The following ALS2 variants were observed in gnomAD, a reference collection of about 807,000 sequenced individuals.
ALS2 encodes alsin Rho guanine nucleotide exchange factor ALS2, also known as alsin.
A neutral mutation model predicts 203.4 loss-of-function variants in ALS2; 117 were observed. That is an observed-to-expected ratio of 0.58 (90% CI 0.50 to 0.67). The LOEUF (loss-of-function observed/expected upper bound fraction) is 0.67, where lower values mean the gene tolerates loss of function less well. ALS2 is among the 30% of genes least tolerant of loss of function. ALS2 has a pLI of 0.00. For synonymous variants in ALS2, 718 were observed against 725.9 expected, an observed-to-expected ratio of 0.99 and a Z score of 0.17; for missense variants, 1,715 against 1,989.4, an observed-to-expected ratio of 0.86 and a Z score of 2.62.
chr2:201,731,766 C>A (rs1446836067), intron 13 of ALS2, among the ~76,000 whole-genome samples: 1 of 151,764 alleles, frequency 6.6e-6, no homozygotes, highest in African/African-American at 2.4e-5. Context: ...AGGATAAGGG[C>A]CATTGATATA....
chr2:201,715,704 G>C lies in ALS2; in HGVS notation c.3972C>G (p.Ala1324=). ...TGTGCTGGCGCCGACTGGTGGTCAAGGCCACAGCAATATTGTCCCATGCTT... is the reference window on the plus strand; with the variant it reads ...TGTGCTGGCGCCGACTGGTGGTCAACGCCACAGCAATATTGTCCCATGCTT... ...VWKAWDNIAV[A]LTTSRRQHRD... The change falls in exon 25 of 34, where the codon GCC becomes GCG. Residue 1324 remains alanine (A), a synonymous_variant. Coordinates refer to ENST00000264276, the MANE Select transcript of ALS2 (RefSeq NM_020919.4). 6.2e-7 allele frequency: 1 copy of C among 1,614,180 alleles called. No individual in the cohort carries two copies. Among genetic ancestry groups the C allele is most frequent in the Non-Finnish European group, 8.5e-7 (1 of 1,180,026 alleles).
chr2:201,706,848 C>T lies in ALS2; in HGVS notation c.4578G>A (p.Gln1526=), dbSNP rs1209302313. The T allele has an allele frequency of 2.5e-6, 4 of 1,613,994 alleles. No individual in the cohort carries two copies. The South Asian group carries it at 3.3e-5, about 13-fold the overall frequency. The change falls in exon 29 of 34, where the codon CAG becomes CAA. Residue 1526 remains glutamine (Q), a splice_region_variant and synonymous_variant. Transcript: ENST00000264276. Reference sequence around the variant, plus strand: ...GCGCTTGTAACTACTACACTTACCTCTGCACCCCAAGAAAGCCCAGGAGAG... The same window carrying T: ...GCGCTTGTAACTACTACACTTACCTTTGCACCCCAAGAAAGCCCAGGAGAG... The part of the protein sequence containing the change: ...DIALLGFLGV[Q]RKFWPATLSI...
chr2:201,757,180 A>C (rs1693452010), intron 5 of ALS2, among the ~76,000 whole-genome samples: 1 of 152,218 alleles, frequency 6.6e-6, no homozygotes, highest in African/African-American at 2.4e-5. Flanking sequence ...TAAGGTTCAT[A>C]AGCAGGAGCA....
At chr2:201,719,114 G>C (rs1486880689) in intron 23 of ALS2, among the ~76,000 whole-genome samples, 1 of 152,166 alleles carries the variant, frequency 6.6e-6, no homozygotes, top group African/African-American at 2.4e-5. Flanking sequence ...AAAATCAAGA[G>C]TGAAACAGGT....
intron 23 of ALS2, chr2:201,722,048 C>T (rs1487308006): frequency 6.6e-6 from 1 of 152,058 alleles, no homozygotes; most frequent in African/African-American, 2.4e-5. Context: ...TCAAAAGACA[C>T]TATTAAGAAA....
chr2:201,750,725 TTGG>T (rs1692981415), intron 7 of ALS2, among the ~76,000 whole-genome samples: 1 of 152,220 alleles, frequency 6.6e-6, no homozygotes, highest in South Asian at 2.1e-4. Flanking sequence ...GATCAACCAC[TTGG>T]TGGCACCTAC....
At chr2:201,733,478 G>T in intron 12 of ALS2, 40 bp from the exon 13 acceptor site, 1 of 1,574,674 alleles carries the variant, frequency 6.4e-7, no homozygotes. Flanking sequence ...AATCATTTTG[G>T]AATTGGTAAT....
intron 3 of ALS2, among the ~76,000 whole-genome samples, chr2:201,765,181 T>C (rs1187870984): frequency 6.6e-6 from 1 of 152,090 alleles, no homozygotes; most frequent in East Asian, 1.9e-4. Flanking sequence ...AAATATTTCT[T>C]GTAGAAACAT....
intron 3 of ALS2, chr2:201,763,236 C>G (rs1559085658): frequency 5.3e-6 from 1 of 188,662 alleles, no homozygotes; most frequent in African/African-American, 2.4e-5. Flanking sequence ...CACGCAGTCC[C>G]TTGCAAGGTG....
intron 7 of ALS2, 142 bp downstream of exon 7, chr2:201,753,004 C>A: frequency 1.3e-6 from 1 of 766,594 alleles, no homozygotes. Context: ...GGAAATAATA[C>A]CATACAAAAT....
In ALS2 at chr2:201,746,755, C is replaced by T. The variant is rs763440221; in HGVS notation, c.1816-7G>A. 28 of 1,613,870 alleles carry T rather than the reference C, an allele frequency of 1.7e-5. No individual in the cohort carries two copies. The South Asian group carries it at 1.8e-4, about 10-fold the overall frequency. On this transcript the variant is annotated splice_region_variant and splice_polypyrimidine_tract_variant and intron_variant, in intron 8 of 33. Transcript: ENST00000264276. ...CTCCATTTTCACTGCTTATCTGCAA[C>T]GACAGAAAGATAGTGTCTGTCCAAG...
chr2:201,771,166 C>T (rs1293084574), intron 1 of ALS2, among the ~76,000 whole-genome samples: 1 of 151,408 alleles, frequency 6.6e-6, no homozygotes, highest in African/African-American at 2.4e-5. Flanking sequence ...CCTGCCTCAG[C>T]CTCCCGAGTA....
intron 3 of ALS2, among the ~76,000 whole-genome samples, chr2:201,764,847 G>A (rs929316949): frequency 2.6e-5 from 4 of 152,026 alleles, no homozygotes; most frequent in Admixed American, 1.3e-4. Flanking sequence ...GTTAGACGAC[G>A]TTTTCTTTTG....
intron 22 of ALS2, 53 bp downstream of exon 22, chr2:201,723,277 G>A (rs1690926409): frequency 1.4e-6 from 2 of 1,479,508 alleles, no homozygotes; most frequent in Admixed American, 3.3e-5. Flanking sequence ...AAAAGTTAAG[G>A]ACAAAGGAGC....
intron 25 of ALS2, 111 bp from the exon 26 acceptor site, chr2:201,711,219 C>A: frequency 4.0e-6 from 3 of 748,262 alleles, no homozygotes; most frequent in Non-Finnish European, 7.2e-6. Flanking sequence ...GAGCATCCAA[C>A]GTAGTACTAA....
rs1299467580 is a variant in ALS2 at position 201,707,534 on chromosome 2, A to T, written c.4403+335T>A. On this transcript the variant is annotated intron_variant, in intron 28 of 33. Transcript: ENST00000264276. Reference sequence around the variant, plus strand: ...GCCTTTAACCTCCCAGGCCCAAGTGATCCTCTCATCTCAGCCTCCCACGTA... The same window carrying T: ...GCCTTTAACCTCCCAGGCCCAAGTGTTCCTCTCATCTCAGCCTCCCACGTA... Among the ~76,000 whole-genome samples the T allele has an allele frequency of 2.6e-5, 4 of 151,740 alleles. No homozygotes were observed. In the East Asian group the frequency reaches 7.8e-4, roughly 29 times the overall value.
intron 24 of ALS2, 36 bp from the exon 25 acceptor site, chr2:201,715,875 C>A (rs762624763): frequency 1.2e-6 from 2 of 1,612,982 alleles, no homozygotes; most frequent in East Asian, 2.2e-5. Flanking sequence ...TTAATCATTT[C>A]TTTTGTGCAA....
rs57508033 is a variant in ALS2, at chr2:201,728,376, G to A, written c.2841+136C>T. ...TTTTTTGTCCTTGCTATAGTTTGCT[G>A]AGAATGATGGCTAGCCTCTTTTAGT... On this transcript the variant is annotated intron_variant, in intron 15 of 33. Coordinates refer to ENST00000264276, the MANE Select transcript of ALS2 (RefSeq NM_020919.4). 2.6e-3 allele frequency: 3,372 copies of A among 1,273,150 alleles called. 72 individuals are homozygous for A. The African/African-American group carries it at 0.043, about 16-fold the overall frequency. The allele number at this position is 1,273,150 out of a possible 1,614,324, so 78.9% of individuals were successfully genotyped here. A position where few individuals can be genotyped will look rare whatever the true frequency, so the allele number is the denominator to read the frequency against.
Position 201,757,525 on chromosome 2 carries a change from T to C in ALS2, c.1348A>G (p.Arg450Gly). The change falls in exon 5 of 34, where the codon AGG (arginine) becomes GGG (glycine). Residue 450 changes from arginine (R) to glycine (G), a missense_variant. Coordinates refer to ENST00000264276, the MANE Select transcript of ALS2 (RefSeq NM_020919.4). ...GATTCCTGTTTAACCTGTTCTTCCCTGCTATCTTTCAAACCTTCGGGGCCA... is the reference window on the plus strand; with the variant it reads ...GATTCCTGTTTAACCTGTTCTTCCCCGCTATCTTTCAAACCTTCGGGGCCA... ...AIGPEGLKDSREEQVKQESMQ... is the reference protein window; with the variant it reads ...AIGPEGLKDSGEEQVKQESMQ... 1 of 1,614,182 alleles carries C rather than the reference T, an allele frequency of 6.2e-7. No homozygotes were observed. The highest frequency in any genetic ancestry group is 8.5e-7 in the Non-Finnish European group (1 of 1,180,012).
Sources: gnomAD v4.1 joint callset for allele counts (sites outside exome capture counted in the v4.1 genomes callset) on GRCh38, gnomAD v4.1.1 for gene constraint, MANE v1.5 for transcripts, NCBI Gene and HGNC (gene_info 2026-07-23, HGNC 2026-07-21) for gene names.